The following CNTN4 variants were observed in gnomAD, a reference collection of about 807,000 sequenced individuals.
The protein encoded by CNTN4 is contactin 4.
In CNTN4, 77 loss-of-function variants were observed where a neutral mutation model predicts 122.5. That is an observed-to-expected ratio of 0.63 (90% CI 0.52 to 0.76). The LOEUF (loss-of-function observed/expected upper bound fraction) is 0.76, where lower values mean the gene tolerates loss of function less well. Ranked by LOEUF, CNTN4 falls within the 30% of genes least tolerant of loss-of-function variation. The probability of loss-of-function intolerance (pLI) is 0.00; values close to 1 mark genes in which losing one functional copy is unlikely to be tolerated. For synonymous variants in CNTN4, 512 were observed against 447.0 expected, an observed-to-expected ratio of 1.15 and a Z score of -1.83; for missense variants, 1,256 against 1,259.1, an observed-to-expected ratio of 1.00 and a Z score of 0.04.
rs1044935996 is a variant in CNTN4 at position 2,684,356 on chromosome 3, T to G, written c.56-51859T>G. ...TGAGAATCCTGGACAGCTAGGGGAG[T>G]AAGGAAACAATGAATTCTGCAGACC... is the stretch of plus-strand genomic sequence containing the variant. On this transcript the variant is annotated intron_variant, in intron 4 of 24. Transcript: ENST00000418658. 1.1e-4 allele frequency among the ~76,000 whole-genome samples: 17 copies of G among 151,766 alleles called. No homozygotes were observed. The East Asian group carries it at 2.7e-3, about 24-fold the overall frequency.
chr3:2,855,225 C>T (rs981518011), intron 7 of CNTN4, among the ~76,000 whole-genome samples: 1 of 152,184 alleles, frequency 6.6e-6, no homozygotes, highest in Non-Finnish European at 1.5e-5. Context: ...GCTGGACTGC[C>T]ATGTCATTGG....
intron 7 of CNTN4, among the ~76,000 whole-genome samples, chr3:2,824,941 G>A (rs1435179325): frequency 1.3e-5 from 2 of 152,182 alleles, no homozygotes; most frequent in African/African-American, 4.8e-5. Context: ...GGGATTACAG[G>A]CGTGAGCCAC....
intron 6 of CNTN4, among the ~76,000 whole-genome samples, chr3:2,779,710 G>C (rs2091491012): frequency 6.6e-6 from 1 of 152,060 alleles, no homozygotes; most frequent in Non-Finnish European, 1.5e-5. Flanking sequence ...TACATACCTT[G>C]TGACATCACA....
chr3:2,306,179 A>G lies in CNTN4; in HGVS notation c.-144-32999A>G, dbSNP rs116358358. Reference sequence around the variant, plus strand: ...AATTGCTGGGTCATATGGTAAAGCTATGATGAACTTTTTGAAGAGTGATAA... The same window carrying G: ...AATTGCTGGGTCATATGGTAAAGCTGTGATGAACTTTTTGAAGAGTGATAA... On this transcript the variant is annotated intron_variant, in intron 2 of 24. Coordinates refer to ENST00000418658, the MANE Select transcript of CNTN4 (RefSeq NM_175607.3). Among the ~76,000 whole-genome samples, 474 of 152,290 alleles carry G rather than the reference A, an allele frequency of 3.1e-3. 2 individuals carry two copies. Among genetic ancestry groups the G allele is most frequent in the African/African-American group, 0.011 (447 of 41,570 alleles).
chr3:2,384,801 C>A (rs1182218086), intron 3 of CNTN4, among the ~76,000 whole-genome samples: 2 of 151,848 alleles, frequency 1.3e-5, no homozygotes, highest in Non-Finnish European at 2.9e-5. Context: ...CATGTTACCT[C>A]TACATTATAT....
At position 2,714,142 on chromosome 3, in the gene CNTN4, G is replaced by A. The variant is rs2087331190; in HGVS notation, c.56-22073G>A. 3.9e-5 allele frequency among the ~76,000 whole-genome samples: 6 copies of A among 152,010 alleles called. No homozygotes were observed. In the South Asian group the frequency reaches 1.2e-3, roughly 32 times the overall value. On this transcript the variant is annotated intron_variant, in intron 4 of 24. Coordinates refer to ENST00000418658, the MANE Select transcript of CNTN4 (RefSeq NM_175607.3). ...TTATTGAAATGGGCTCCCCCTGTTG[G>A]CCAGGCAGTGTTGGGACTTTTATCT...
intron 4 of CNTN4, among the ~76,000 whole-genome samples, chr3:2,668,357 G>T (rs1237694638): frequency 1.3e-5 from 2 of 152,134 alleles, no homozygotes; most frequent in African/African-American, 2.4e-5. Flanking sequence ...TGAAGCAATT[G>T]TGAATGGGAG....
intron 2 of CNTN4, among the ~76,000 whole-genome samples, chr3:2,328,408 A>AG (rs1189012081): frequency 6.6e-6 from 1 of 152,200 alleles, no homozygotes; most frequent in Non-Finnish European, 1.5e-5. Context: ...TCCGTCTCAA[A>AG]AAATAAAAAA....
chr3:2,814,674 T>A (rs2092688186), intron 6 of CNTN4, among the ~76,000 whole-genome samples: 1 of 152,220 alleles, frequency 6.6e-6, no homozygotes, highest in South Asian at 2.1e-4. Flanking sequence ...AAGCTCTTTT[T>A]CACTGACTTT....
At position 2,883,182 on chromosome 3, in the gene CNTN4, G is replaced by T. The variant is rs557389686; in HGVS notation, c.690G>T (p.Gln230His). Reference sequence around the variant, plus strand: ...AATATGAGCCCAAAATAGAAGTGCAGTTCCCAGAAACAGTTCCGACTGCAA... The same window carrying T: ...AATATGAGCCCAAAATAGAAGTGCATTTCCCAGAAACAGTTCCGACTGCAA... ...MGEYEPKIEV[Q>H]FPETVPTAKG... The change falls in exon 9 of 25, where the codon CAG becomes CAT. Residue 230 changes from glutamine to histidine, a missense_variant. By Grantham distance (24) the Gln-to-His change is conservative (BLOSUM62 0). Coordinates refer to ENST00000418658, the MANE Select transcript of CNTN4 (RefSeq NM_175607.3). The T allele has an allele frequency of 1.2e-6, 2 of 1,613,862 alleles. No individual in the cohort carries two copies. The highest frequency in any genetic ancestry group is 2.7e-5 in the African/African-American group (2 of 75,032).
intron 3 of CNTN4, among the ~76,000 whole-genome samples, chr3:2,425,392 G>A (rs1313755302): frequency 1.3e-5 from 2 of 152,018 alleles, no homozygotes; most frequent in Non-Finnish European, 2.9e-5. Context: ...GATGTGTGGT[G>A]TTATTTCTGA....
intron 12 of CNTN4, among the ~76,000 whole-genome samples, chr3:2,916,995 A>C (rs1301856432): frequency 7.9e-6 from 1 of 126,922 alleles, no homozygotes; most frequent in African/African-American, 2.9e-5. Flanking sequence ...ACGCCACTGC[A>C]CTCCAGCCTG....
chr3:2,893,892 C>T (rs73114620), intron 10 of CNTN4, among the ~76,000 whole-genome samples: 16,802 of 152,026 alleles, frequency 0.11, 985 homozygotes, highest in South Asian at 0.16. Context: ...CTCCTTTTTA[C>T]CCTGAAAAAT....
intron 2 of CNTN4, among the ~76,000 whole-genome samples, chr3:2,175,342 C>A (rs1273748844): frequency 6.6e-6 from 1 of 151,964 alleles, no homozygotes; most frequent in African/African-American, 2.4e-5. Context: ...ATCACTAATC[C>A]TTCATGGCCG....
At chr3:2,562,820 C>T (rs1222818509) in intron 3 of CNTN4, among the ~76,000 whole-genome samples, 2 of 151,906 alleles carry the variant, frequency 1.3e-5, no homozygotes, top group Non-Finnish European at 2.9e-5. Flanking sequence ...AAATATTGAG[C>T]TCAAACAATC....
At chr3:2,470,016 A>G (rs766738178) in intron 3 of CNTN4, among the ~76,000 whole-genome samples, 5 of 151,832 alleles carry the variant, frequency 3.3e-5, no homozygotes, top group Non-Finnish European at 5.9e-5. Context: ...TGGGACTGAC[A>G]TTGCTTTTCA....
At chr3:2,185,917 G>GT (rs1379267643) in intron 2 of CNTN4, among the ~76,000 whole-genome samples, 5 of 151,308 alleles carry the variant, frequency 3.3e-5, no homozygotes, top group South Asian at 4.2e-4. Flanking sequence ...TTTTTTAACT[G>GT]TTTTTTTCTT....
chr3:2,830,965 C>G (rs2093091633), intron 7 of CNTN4, among the ~76,000 whole-genome samples: 1 of 152,098 alleles, frequency 6.6e-6, no homozygotes, highest in Non-Finnish European at 1.5e-5. Context: ...ATCGAAGGCT[C>G]AGAAATGGAT....
chr3:2,386,269 C>G (rs1023678825), intron 3 of CNTN4, among the ~76,000 whole-genome samples: 1 of 151,326 alleles, frequency 6.6e-6, no homozygotes, highest in Non-Finnish European at 1.5e-5. Flanking sequence ...CCTTCCCCAC[C>G]TCAAAATTGC....
Sources: allele counts gnomAD v4.1 joint callset (sites outside exome capture counted in the v4.1 genomes callset), GRCh38; gene constraint gnomAD v4.1.1; transcripts MANE v1.5; gene names NCBI Gene and HGNC (gene_info 2026-07-23, HGNC 2026-07-21).